Variants in SMYD3 observed in about 807,000 individuals in gnomAD.
SMYD3 encodes SET and MYND domain containing 3, also known as histone-lysine N-methyltransferase SMYD3.
A neutral mutation model predicts 57.7 loss-of-function variants in SMYD3; 36 were observed. The observed-to-expected ratio is 0.62, with a 90% CI of 0.48 to 0.82. The LOEUF is 0.82. Among genes scored for constraint, SMYD3 ranks in the 40% least tolerant of loss-of-function variants. SMYD3 has a pLI of 0.00. For synonymous variants in SMYD3, 211 were observed against 195.0 expected (o/e 1.08, Z -0.68); for missense variants, 515 against 538.8 (o/e 0.96, Z 0.44).
At chr1:245,823,648 T>C (rs2049305990) in intron 10 of SMYD3, among the ~76,000 whole-genome samples, 2 of 152,220 alleles carry the variant, frequency 1.3e-5, no homozygotes. Context: ...CTCTCTCATC[T>C]GTTTTTCCCA....
At position 246,237,088 on chromosome 1, in the gene SMYD3, C is replaced by T. The variant is rs569153885; in HGVS notation, c.531+90113G>A. On this transcript the variant is annotated intron_variant, in intron 5 of 11. Coordinates refer to ENST00000490107, the MANE Select transcript of SMYD3 (RefSeq NM_001167740.2). ...GACGACCACATTAACTCAATAGCATCCCCCCACTTGTCAATTCTATGTGAA... is the reference window on the plus strand; with the variant it reads ...GACGACCACATTAACTCAATAGCATTCCCCCACTTGTCAATTCTATGTGAA... 2.9e-4 allele frequency among the ~76,000 whole-genome samples: 44 copies of T among 152,220 alleles called. No homozygotes were observed. In the South Asian group the frequency reaches 8.3e-3, roughly 29 times the overall value.
At chr1:246,272,530 A>AGAT (rs2064241489) in intron 5 of SMYD3, among the ~76,000 whole-genome samples, 1 of 152,212 alleles carries the variant, frequency 6.6e-6, no homozygotes, top group South Asian at 2.1e-4. Flanking sequence ...GCTTCGATTC[A>AGAT]GATGATCACG....
chr1:246,238,742 C>T (rs1391512000), intron 5 of SMYD3, among the ~76,000 whole-genome samples: 2 of 152,098 alleles, frequency 1.3e-5, no homozygotes, highest in African/African-American at 2.4e-5. Flanking sequence ...AAACTCCTTA[C>T]ATATATTATT....
chr1:246,489,619 A>G lies in SMYD3; in HGVS notation c.164+17435T>C, dbSNP rs1026316215. Among the ~76,000 whole-genome samples, 8 of 152,326 alleles carry G rather than the reference A, an allele frequency of 5.3e-5. No individual in the cohort carries two copies. The East Asian group carries it at 1.5e-3, about 29-fold the overall frequency. ...AAGCTGACATTCTAAAACATCATTAAAAACAAAAGTATCAATAGATCAGAA... is the reference window on the plus strand; with the variant it reads ...AAGCTGACATTCTAAAACATCATTAGAAACAAAAGTATCAATAGATCAGAA... On this transcript the variant is annotated intron_variant, in intron 1 of 11. Coordinates refer to ENST00000490107, the MANE Select transcript of SMYD3 (RefSeq NM_001167740.2).
chr1:246,489,281 G>A (rs2068234020), intron 1 of SMYD3, among the ~76,000 whole-genome samples: 1 of 152,084 alleles, frequency 6.6e-6, no homozygotes, highest in Non-Finnish European at 1.5e-5. Flanking sequence ...GGGAGGCGGA[G>A]GCTGAGGTTG....
intron 10 of SMYD3, among the ~76,000 whole-genome samples, chr1:245,853,459 C>T (rs144655721): frequency 1.7e-4 from 26 of 152,230 alleles, no homozygotes; most frequent in Admixed American, 1.0e-3. Context: ...CACTGTAATA[C>T]GCACCTGGGA....
chr1:246,073,545 G>T (rs2788008), intron 5 of SMYD3, among the ~76,000 whole-genome samples: 41,586 of 151,544 alleles, frequency 0.27, 6,166 homozygotes, highest in East Asian at 0.4. Context: ...GGCAAAACCC[G>T]ATCTCTACAA....
chr1:246,187,612 CTT>C (rs2062663000), intron 5 of SMYD3, among the ~76,000 whole-genome samples: 1 of 152,180 alleles, frequency 6.6e-6, no homozygotes, highest in Non-Finnish European at 1.5e-5. Context: ...AGCTTTGAAA[CTT>C]TTAAATTTCT....
At chr1:245,841,397 T>G (rs775914095) in intron 10 of SMYD3, among the ~76,000 whole-genome samples, 27 of 152,338 alleles carry the variant, frequency 1.8e-4, no homozygotes, top group Non-Finnish European at 3.7e-4. Context: ...TTAACTTTGC[T>G]TAAAATTTTA....
intron 5 of SMYD3, among the ~76,000 whole-genome samples, chr1:246,044,105 A>G (rs560047617): frequency 6.6e-6 from 1 of 152,196 alleles, no homozygotes; most frequent in Non-Finnish European, 1.5e-5. Context: ...TCATTCCACA[A>G]AATATTATAT....
At chr1:246,412,298 C>G (rs2066988517) in intron 1 of SMYD3, among the ~76,000 whole-genome samples, 1 of 152,198 alleles carries the variant, frequency 6.6e-6, no homozygotes, top group Non-Finnish European at 1.5e-5. Flanking sequence ...TCTCATTTCT[C>G]TGAACTAGCT....
At chr1:245,876,465 G>A (rs553048660) in intron 8 of SMYD3, among the ~76,000 whole-genome samples, 1 of 152,342 alleles carries the variant, frequency 6.6e-6, no homozygotes, top group Admixed American at 6.5e-5. Flanking sequence ...GAATCTCTGC[G>A]ATCATGCTGT....
intron 5 of SMYD3, among the ~76,000 whole-genome samples, chr1:246,236,351 C>T (rs1376972879): frequency 1.3e-5 from 2 of 152,178 alleles, no homozygotes; most frequent in Non-Finnish European, 2.9e-5. Flanking sequence ...CCGCCTCAGC[C>T]TCCCAGTAGC....
intron 1 of SMYD3, among the ~76,000 whole-genome samples, chr1:246,359,226 T>C (rs933543205): frequency 2.6e-5 from 4 of 152,164 alleles, no homozygotes; most frequent in African/African-American, 9.7e-5. Flanking sequence ...GATGGATAAA[T>C]TCCTGGAAAT....
chr1:246,067,822 T>C (rs556298437), intron 5 of SMYD3, among the ~76,000 whole-genome samples: 1 of 152,112 alleles, frequency 6.6e-6, no homozygotes, highest in South Asian at 2.1e-4. Context: ...TTACAGGCTG[T>C]TGTATGTGCA....
chr1:246,254,204 T>A (rs1333568581), intron 5 of SMYD3, among the ~76,000 whole-genome samples: 1 of 152,214 alleles, frequency 6.6e-6, no homozygotes, highest in Non-Finnish European at 1.5e-5. Flanking sequence ...TTTTAAGGAC[T>A]TAGCCATAAA....
At chr1:245,891,389 T>C (rs1449778933) in intron 8 of SMYD3, among the ~76,000 whole-genome samples, 3 of 152,160 alleles carry the variant, frequency 2.0e-5, no homozygotes, top group Admixed American at 6.5e-5. Context: ...AATTTAAAAA[T>C]ACAAAAATAA....
At chr1:246,487,879 A>T (rs1310842218) in intron 1 of SMYD3, among the ~76,000 whole-genome samples, 1 of 152,098 alleles carries the variant, frequency 6.6e-6, no homozygotes, top group Non-Finnish European at 1.5e-5. Flanking sequence ...TTTTTAGTAG[A>T]GACAGGGTTC....
At chr1:245,838,395 G>C (rs546534479) in intron 10 of SMYD3, among the ~76,000 whole-genome samples, 1 of 152,192 alleles carries the variant, frequency 6.6e-6, no homozygotes, top group Non-Finnish European at 1.5e-5. Flanking sequence ...CACCCTGCGG[G>C]GGATGAGGAG....
Sources: gnomAD v4.1 joint callset for allele counts (sites outside exome capture counted in the v4.1 genomes callset) on GRCh38, gnomAD v4.1.1 for gene constraint, MANE v1.5 for transcripts, NCBI Gene and HGNC (gene_info 2026-07-23, HGNC 2026-07-21) for gene names.